Variants in IQCM observed in about 807,000 individuals in gnomAD.
The protein encoded by IQCM is IQ motif containing M.
Under a neutral mutation model 57.6 loss-of-function variants are expected in IQCM, and 45 were observed. That is an observed-to-expected ratio of 0.78 (90% confidence interval 0.62 to 1.00). The LOEUF (loss-of-function observed/expected upper bound fraction) is 1.00. Ranked by LOEUF, IQCM falls within the 50% of genes least tolerant of loss-of-function variation. The pLI is 0.00. For missense variants in IQCM, 468 were observed against 511.6 expected (o/e 0.91, Z 0.82); for synonymous variants, 148 against 158.9 (o/e 0.93, Z 0.51).
chr4:149,673,658 C>T (rs1286647227), intron 7 of IQCM, among the ~76,000 whole-genome samples: 1 of 151,974 alleles, frequency 6.6e-6, no homozygotes, highest in African/African-American at 2.4e-5. Context: ...ACTTAGACTC[C>T]CACACAATAA....
In IQCM at chr4:149,774,317, T is replaced by G. The variant is rs531596942; in HGVS notation, c.-48-31578A>C. Among the ~76,000 whole-genome samples the G allele has an allele frequency of 1.1e-4, 17 of 152,332 alleles. No homozygotes were observed. In the East Asian group the frequency reaches 2.3e-3, roughly 21 times the overall value. On this transcript the variant is annotated intron_variant, in intron 2 of 13. Transcript: ENST00000636793. ...CTGAAACAGATATCCAGAAGTTCTT[T>G]TTCTTGCAGAACCAAAACTAACTGT...
At chr4:149,455,125 T>C (rs1283415645) in intron 12 of IQCM, among the ~76,000 whole-genome samples, 1 of 152,088 alleles carries the variant, frequency 6.6e-6, no homozygotes, top group South Asian at 2.1e-4. Flanking sequence ...AACCCAACAA[T>C]GTATGATACG....
At chr4:149,732,854 AGT>A (rs1372908634) in intron 5 of IQCM, among the ~76,000 whole-genome samples, 2 of 152,200 alleles carry the variant, frequency 1.3e-5, no homozygotes, top group African/African-American at 4.8e-5. Flanking sequence ...AAATCTTTTT[AGT>A]GTTTTGAGGA....
At chr4:149,588,175 C>A (rs910394061) in intron 8 of IQCM, among the ~76,000 whole-genome samples, 178 bp from the exon 9 acceptor site, 30 of 151,586 alleles carry the variant, frequency 2.0e-4, no homozygotes, top group Admixed American at 1.5e-3. Flanking sequence ...ACTGTTGAAC[C>A]TCCTTCAGAA....
chr4:149,561,717 A>G (rs1331472347), intron 10 of IQCM, among the ~76,000 whole-genome samples: 1 of 152,186 alleles, frequency 6.6e-6, no homozygotes. Context: ...GTGATGGAGT[A>G]TATATTATGT....
chr4:149,639,821 T>C (rs953721810), intron 7 of IQCM, among the ~76,000 whole-genome samples: 1 of 152,052 alleles, frequency 6.6e-6, no homozygotes, highest in Admixed American at 6.5e-5. Context: ...CCCAGCTACT[T>C]GGAAGGCTGA....
At chr4:149,599,114 A>G (rs534068157) in intron 8 of IQCM, among the ~76,000 whole-genome samples, 1 of 152,310 alleles carries the variant, frequency 6.6e-6, no homozygotes, top group African/African-American at 2.4e-5. Context: ...GACATATAAA[A>G]GAATGCTTGT....
At chr4:149,566,536 A>G (rs1226597977) in intron 9 of IQCM, among the ~76,000 whole-genome samples, 2 of 151,988 alleles carry the variant, frequency 1.3e-5, no homozygotes, top group African/African-American at 4.8e-5. Context: ...GAGAGAGAGA[A>G]AAGTGACAAA....
chr4:149,812,406 G>T (rs1473289896), intron 2 of IQCM, among the ~76,000 whole-genome samples: 1 of 151,180 alleles, frequency 6.6e-6, no homozygotes, highest in South Asian at 2.1e-4. Context: ...TACTGGAAAA[G>T]AAACCTCATG....
At chr4:149,751,174 A>C (rs1201174111) in intron 2 of IQCM, among the ~76,000 whole-genome samples, 3 of 152,206 alleles carry the variant, frequency 2.0e-5, no homozygotes, top group Non-Finnish European at 4.4e-5. Context: ...ATTTCAGCTT[A>C]ACACTGGATT....
At chr4:149,582,854 A>T (rs1307255836) in intron 9 of IQCM, among the ~76,000 whole-genome samples, 1 of 151,658 alleles carries the variant, frequency 6.6e-6, no homozygotes. Flanking sequence ...AGACCAAAGA[A>T]AAGTTTTTAG....
At chr4:149,668,700 A>T (rs894493805) in intron 7 of IQCM, among the ~76,000 whole-genome samples, 1 of 152,206 alleles carries the variant, frequency 6.6e-6, no homozygotes, top group Non-Finnish European at 1.5e-5. Context: ...TAAATGCTGA[A>T]GTAAAATTAA....
intron 9 of IQCM, among the ~76,000 whole-genome samples, chr4:149,587,272 C>G (rs948754535): frequency 2.0e-5 from 3 of 151,774 alleles, no homozygotes; most frequent in African/African-American, 7.2e-5. Context: ...TGTCCACATG[C>G]CATCACTCTC....
intron 7 of IQCM, among the ~76,000 whole-genome samples, chr4:149,658,256 A>G (rs1322358231): frequency 3.3e-5 from 5 of 151,782 alleles, no homozygotes; most frequent in South Asian, 2.1e-4. Flanking sequence ...GGAAGAGACT[A>G]TCTTTTCCCC....
intron 7 of IQCM, among the ~76,000 whole-genome samples, chr4:149,658,179 C>A (rs931831736): frequency 6.6e-6 from 1 of 151,760 alleles, no homozygotes; most frequent in Admixed American, 6.6e-5. Flanking sequence ...TACTGTTGTA[C>A]GTTAAGAGGT....
chr4:149,388,539 T>A (rs867129043), intron 13 of IQCM, among the ~76,000 whole-genome samples: 30 of 130,546 alleles, frequency 2.3e-4, no homozygotes, highest in African/African-American at 7.8e-4. Context: ...TATTATATAT[T>A]ATATATAATA....
intron 12 of IQCM, among the ~76,000 whole-genome samples, chr4:149,455,210 A>G (rs1394029): frequency 0.22 from 33,055 of 152,034 alleles, 4,515 homozygotes; most frequent in Non-Finnish European, 0.29. Context: ...CTGGCAGTTT[A>G]TGCAATCTTC....
chr4:149,383,273 TG>T (rs1353539269), intron 13 of IQCM, among the ~76,000 whole-genome samples: 1 of 152,206 alleles, frequency 6.6e-6, no homozygotes, highest in Non-Finnish European at 1.5e-5. Flanking sequence ...AATATATTTT[TG>T]ACTTTCTCCA....
chr4:149,469,951 C>A (rs1739323670), intron 12 of IQCM, among the ~76,000 whole-genome samples: 3 of 152,168 alleles, frequency 2.0e-5, no homozygotes, highest in Admixed American at 1.3e-4. Context: ...CCAGGCCTGC[C>A]TTACAAGAGC....
Sources: gnomAD v4.1 joint callset for allele counts (sites outside exome capture counted in the v4.1 genomes callset) on GRCh38, gnomAD v4.1.1 for gene constraint, MANE v1.5 for transcripts, NCBI Gene and HGNC (gene_info 2026-07-23, HGNC 2026-07-21) for gene names.